Variants in GABRG3 observed in about 807,000 individuals in gnomAD.
GABRG3 encodes gamma-aminobutyric acid type A receptor subunit gamma3, also known as gamma-aminobutyric acid receptor subunit gamma-3.
Under a neutral mutation model 48.8 loss-of-function variants are expected in GABRG3, and 25 were observed. The observed-to-expected ratio is 0.51, with a 90% CI of 0.37 to 0.72. The LOEUF is 0.72. GABRG3 is among the 30% of genes least tolerant of loss of function. The pLI is 0.00. For synonymous variants in GABRG3, 227 were observed against 217.6 expected (o/e 1.04, Z -0.38); for missense variants, 394 against 577.9 (o/e 0.68, Z 3.26).
At position 27,141,636 on chromosome 15, in the gene GABRG3, A is replaced by G. The variant is rs554554730; in HGVS notation, c.270+114815A>G. On this transcript the variant is annotated intron_variant, in intron 3 of 9. Transcript: ENST00000615808. Reference sequence around the variant, plus strand: ...TGGTGTCACTCTAGGGATAAGGTCTATGGCAAAGAGGGAGGGTAGTGGCAG... The same window carrying G: ...TGGTGTCACTCTAGGGATAAGGTCTGTGGCAAAGAGGGAGGGTAGTGGCAG... 5.3e-5 allele frequency among the ~76,000 whole-genome samples: 8 copies of G among 152,338 alleles called. No homozygotes were observed. In the East Asian group the frequency reaches 9.6e-4, roughly 18 times the overall value.
chr15:27,324,845 G>T (rs972486065), intron 3 of GABRG3, among the ~76,000 whole-genome samples: 3 of 152,172 alleles, frequency 2.0e-5, no homozygotes, highest in Admixed American at 1.3e-4. Context: ...CTGAAGTATA[G>T]GTATTTGGGC....
intron 3 of GABRG3, among the ~76,000 whole-genome samples, chr15:27,034,747 G>A (rs1163289546): frequency 6.6e-6 from 1 of 152,154 alleles, no homozygotes; most frequent in African/African-American, 2.4e-5. Context: ...CAGTCCAGAG[G>A]CCCTTGTAAA....
chr15:27,471,205 G>T (rs1050768427), intron 5 of GABRG3, among the ~76,000 whole-genome samples: 3 of 152,156 alleles, frequency 2.0e-5, no homozygotes, highest in African/African-American at 7.2e-5. Context: ...TAGGGTTGTG[G>T]AAAGTGGTCC....
chr15:27,162,788 T>TCC (rs1887239463), intron 3 of GABRG3, among the ~76,000 whole-genome samples: 2 of 152,118 alleles, frequency 1.3e-5, no homozygotes, highest in African/African-American at 4.8e-5. Context: ...GCATTCACAG[T>TCC]TGGGATAAGG....
intron 3 of GABRG3, among the ~76,000 whole-genome samples, chr15:27,065,692 T>C (rs904417163): frequency 6.6e-6 from 1 of 152,260 alleles, no homozygotes; most frequent in Non-Finnish European, 1.5e-5. Flanking sequence ...CTTAGCTGCC[T>C]GCTGAGCAGC....
At chr15:27,307,119 ACATAAT>A (rs1892591762) in intron 3 of GABRG3, among the ~76,000 whole-genome samples, 1 of 125,786 alleles carries the variant, frequency 8.0e-6, no homozygotes, top group African/African-American at 3.6e-5. Context: ...TTATATATAA[ACATAAT>A]ATAAACATGT....
intron 5 of GABRG3, among the ~76,000 whole-genome samples, chr15:27,427,105 A>G (rs528762733): frequency 6.6e-6 from 1 of 152,296 alleles, no homozygotes; most frequent in Admixed American, 6.5e-5. Context: ...GAGACTAAAT[A>G]TGTTCCTTTA....
chr15:27,135,918 A>G (rs1898000670), intron 3 of GABRG3, among the ~76,000 whole-genome samples: 1 of 152,182 alleles, frequency 6.6e-6, no homozygotes, highest in Non-Finnish European at 1.5e-5. Context: ...AACAAAACAA[A>G]CAAAAAACAA....
intron 3 of GABRG3, among the ~76,000 whole-genome samples, chr15:27,232,914 T>G (rs1459137829): frequency 6.6e-6 from 1 of 152,240 alleles, no homozygotes; most frequent in African/African-American, 2.4e-5. Flanking sequence ...GAGAGCCACT[T>G]ACCTCCTCAT....
At chr15:27,062,066 T>G (rs1566924101) in intron 3 of GABRG3, among the ~76,000 whole-genome samples, 1 of 152,156 alleles carries the variant, frequency 6.6e-6, no homozygotes, top group Non-Finnish European at 1.5e-5. Flanking sequence ...TGGGCTGCCT[T>G]CCGGGCAACT....
intron 3 of GABRG3, among the ~76,000 whole-genome samples, chr15:27,167,384 A>G (rs1169492634): frequency 6.6e-6 from 1 of 152,174 alleles, no homozygotes; most frequent in Non-Finnish European, 1.5e-5. Context: ...TTGTCATCCC[A>G]TGTAGAGAAA....
chr15:27,379,301 CTA>C, intron 5 of GABRG3, among the ~76,000 whole-genome samples: 1 of 152,324 alleles, frequency 6.6e-6, no homozygotes, highest in South Asian at 2.1e-4. Context: ...TCAAATAACA[CTA>C]TACCACTTCA....
intron 3 of GABRG3, among the ~76,000 whole-genome samples, chr15:27,305,502 A>G (rs1234103801): frequency 6.8e-6 from 1 of 146,360 alleles, no homozygotes; most frequent in Non-Finnish European, 1.5e-5. Context: ...ATATATATAT[A>G]AACATATATA....
chr15:27,097,802 G>T (rs1233609913), intron 3 of GABRG3, among the ~76,000 whole-genome samples: 1 of 152,192 alleles, frequency 6.6e-6, no homozygotes, highest in African/African-American at 2.4e-5. Context: ...GGAATTAGCT[G>T]GCCCAAAATG....
chr15:27,434,952 C>T (rs957551485), intron 5 of GABRG3, among the ~76,000 whole-genome samples: 7 of 152,158 alleles, frequency 4.6e-5, no homozygotes, highest in Non-Finnish European at 8.8e-5. Flanking sequence ...TTCCACTTCT[C>T]TCCAATCCAA....
intron 7 of GABRG3, among the ~76,000 whole-genome samples, chr15:27,525,672 G>T (rs1325559548): frequency 1.3e-5 from 2 of 152,112 alleles, no homozygotes; most frequent in Non-Finnish European, 2.9e-5. Flanking sequence ...CTAAGATTTT[G>T]AACTTCTTCT....
chr15:27,349,204 T>G (rs537158495), intron 5 of GABRG3, among the ~76,000 whole-genome samples: 1 of 152,222 alleles, frequency 6.6e-6, no homozygotes, highest in African/African-American at 2.4e-5. Context: ...ATATATCTTT[T>G]TTACATACAC....
At chr15:27,527,785 G>T in intron 8 of GABRG3, 148 bp from the exon 9 acceptor site, 2 of 966,512 alleles carry the variant, frequency 2.1e-6, no homozygotes, top group African/African-American at 1.6e-5. Context: ...GGATTCTGAA[G>T]ATGTGAATGT....
At chr15:27,453,510 A>G (rs1331501870) in intron 5 of GABRG3, among the ~76,000 whole-genome samples, 2 of 152,222 alleles carry the variant, frequency 1.3e-5, no homozygotes, top group Non-Finnish European at 2.9e-5. Context: ...GTTAAAGCAT[A>G]TTCATTTAAT....
Sources: gnomAD v4.1 joint callset for allele counts (sites outside exome capture counted in the v4.1 genomes callset) on GRCh38, gnomAD v4.1.1 for gene constraint, MANE v1.5 for transcripts, NCBI Gene and HGNC (gene_info 2026-07-23, HGNC 2026-07-21) for gene names.